The following SDK1 variants were observed in gnomAD, a reference collection of about 807,000 sequenced individuals.
SDK1 encodes protein sidekick-1.
Under a neutral mutation model 245.5 loss-of-function variants are expected in SDK1, and 157 were observed. The observed-to-expected ratio is 0.64, with a 90% CI of 0.56 to 0.73. The LOEUF is 0.73. SDK1 is among the 30% of genes least tolerant of loss of function. The pLI is 0.00. For missense variants in SDK1, 3,583 were observed against 3,002.3 expected, an observed-to-expected ratio of 1.19 and a Z score of -4.52; for synonymous variants, 1,647 against 1,278.5, an observed-to-expected ratio of 1.29 and a Z score of -6.15.
At chr7:3,715,752 T>C (rs1785183644) in intron 4 of SDK1, among the ~76,000 whole-genome samples, 1 of 151,878 alleles carries the variant, frequency 6.6e-6, no homozygotes, top group South Asian at 2.1e-4. Flanking sequence ...GGAAAATTAC[T>C]GAACATACAA....
chr7:3,449,198 G>A (rs1441414307), intron 1 of SDK1, among the ~76,000 whole-genome samples: 1 of 152,104 alleles, frequency 6.6e-6, no homozygotes, highest in Admixed American at 6.5e-5. Flanking sequence ...TTGGGGCTAG[G>A]GGTGCCTCAA....
chr7:3,861,674 A>C (rs1221329544), intron 5 of SDK1, among the ~76,000 whole-genome samples: 2 of 152,306 alleles, frequency 1.3e-5, no homozygotes, highest in East Asian at 1.9e-4. Context: ...AGCTGTCTTC[A>C]TGAGCCTGAA....
At chr7:3,965,263 G>C (rs10229015) in intron 9 of SDK1, among the ~76,000 whole-genome samples, 1 of 152,068 alleles carries the variant, frequency 6.6e-6, no homozygotes, top group African/African-American at 2.4e-5. Context: ...GAGAGACTTA[G>C]GAATGAGAAT....
At chr7:3,833,070 A>C (rs570649141) in intron 5 of SDK1, among the ~76,000 whole-genome samples, 2 of 152,214 alleles carry the variant, frequency 1.3e-5, no homozygotes, top group East Asian at 3.9e-4. Flanking sequence ...GGCCTGCATG[A>C]CCATCTGGGA....
rs750283091 is a variant in SDK1, at chr7:3,974,465, G to A, written c.1914G>A (p.Trp638Ter). The change falls in exon 13 of 45, where the codon TGG becomes TGA. Residue 638 changes from tryptophan to a stop codon, truncating the protein, a stop_gained. Coordinates refer to ENST00000404826, the MANE Select transcript of SDK1 (RefSeq NM_152744.4). LOFTEE classifies it high-confidence loss of function. ...KDGSLLISQT[W>*]SGDIGDYSCE... ...GGTCCCTTCTCATCAGCCAGACGTG[G>A]TCAGGCGACATCGGTGACTACAGCT... The A allele has an allele frequency of 1.2e-6, 2 of 1,614,156 alleles. No homozygotes were observed. The highest frequency in any genetic ancestry group is 1.7e-5 in the Admixed American group (1 of 60,022).
chr7:3,826,962 C>T (rs1779790691), intron 5 of SDK1, among the ~76,000 whole-genome samples: 1 of 152,170 alleles, frequency 6.6e-6, no homozygotes, highest in Non-Finnish European at 1.5e-5. Flanking sequence ...TCATTCTCTC[C>T]TCACCCCACA....
At chr7:3,621,345 A>G (rs1354316461) in intron 2 of SDK1, among the ~76,000 whole-genome samples, 2 of 152,156 alleles carry the variant, frequency 1.3e-5, no homozygotes, top group Non-Finnish European at 2.9e-5. Flanking sequence ...ATCTTTTTCC[A>G]TTGGAAAAAT....
intron 22 of SDK1, among the ~76,000 whole-genome samples, chr7:4,089,633 C>T (rs142811212): frequency 8.1e-4 from 123 of 152,330 alleles, no homozygotes; most frequent in African/African-American, 2.7e-3. Flanking sequence ...AGCTCCGTCA[C>T]GTGGAGCCCA....
intron 5 of SDK1, among the ~76,000 whole-genome samples, chr7:3,896,839 G>T (rs1335098019): frequency 6.6e-6 from 1 of 152,168 alleles, no homozygotes; most frequent in Non-Finnish European, 1.5e-5. Flanking sequence ...AAATATACAT[G>T]TATTAGTTTG....
At chr7:3,448,232 G>A (rs543353455) in intron 1 of SDK1, among the ~76,000 whole-genome samples, 42 of 152,164 alleles carry the variant, frequency 2.8e-4, no homozygotes, top group Middle Eastern at 3.4e-3. Flanking sequence ...CTGCTATCTC[G>A]TTGCTTTAAG....
At chr7:3,983,492 A>G (rs1249115961) in intron 13 of SDK1, among the ~76,000 whole-genome samples, 1 of 107,762 alleles carries the variant, frequency 9.3e-6, no homozygotes, top group Non-Finnish European at 2.3e-5. Context: ...AGCATGAAGT[A>G]TCTTTAAGGT....
chr7:4,107,107 C>G (rs570922336), intron 22 of SDK1, among the ~76,000 whole-genome samples: 1 of 106,958 alleles, frequency 9.3e-6, no homozygotes, highest in South Asian at 3.4e-4. Context: ...CGAATACACA[C>G]ATCCAGGGTG....
chr7:3,864,140 C>G (rs1780764649), intron 5 of SDK1, among the ~76,000 whole-genome samples: 1 of 152,168 alleles, frequency 6.6e-6, no homozygotes, highest in Non-Finnish European at 1.5e-5. Flanking sequence ...AAACATTCTA[C>G]TTAGTACAAA....
intron 13 of SDK1, among the ~76,000 whole-genome samples, chr7:3,975,156 C>G (rs993137423): frequency 2.6e-5 from 4 of 152,240 alleles, no homozygotes; most frequent in Non-Finnish European, 4.4e-5. Context: ...CCTCCACTCC[C>G]CTCTCTATTC....
chr7:3,720,989 T>A (rs1785350745), intron 4 of SDK1, among the ~76,000 whole-genome samples: 1 of 152,172 alleles, frequency 6.6e-6, no homozygotes, highest in Non-Finnish European at 1.5e-5. Flanking sequence ...GAAAAGCCAA[T>A]CTCAAATGGT....
chr7:4,229,673 G>A (rs1310600486), intron 40 of SDK1, among the ~76,000 whole-genome samples: 2 of 152,066 alleles, frequency 1.3e-5, no homozygotes, highest in Non-Finnish European at 2.9e-5. Context: ...GACCTTCTCA[G>A]AACAGTCTGA....
chr7:3,941,691 C>G (rs1243985039), intron 5 of SDK1, among the ~76,000 whole-genome samples: 2 of 152,180 alleles, frequency 1.3e-5, no homozygotes, highest in Non-Finnish European at 2.9e-5. Flanking sequence ...TTTCGTAGCT[C>G]CGCCACAATG....
At chr7:3,547,295 A>G (rs896310555) in intron 1 of SDK1, among the ~76,000 whole-genome samples, 10 of 152,192 alleles carry the variant, frequency 6.6e-5, no homozygotes, top group Admixed American at 3.3e-4. Flanking sequence ...TGATCTGAAT[A>G]AAAATATGAA....
chr7:3,455,201 A>G (rs895781502), intron 1 of SDK1, among the ~76,000 whole-genome samples: 5 of 151,760 alleles, frequency 3.3e-5, no homozygotes, highest in Admixed American at 6.6e-5. Context: ...TTTGCTGGAT[A>G]TGTGGGTTGC....
Sources: allele counts gnomAD v4.1 joint callset (sites outside exome capture counted in the v4.1 genomes callset), GRCh38; gene constraint gnomAD v4.1.1; transcripts MANE v1.5; gene names NCBI Gene and HGNC (gene_info 2026-07-23, HGNC 2026-07-21).